The following SLC2A13 variants were observed in gnomAD, a reference collection of about 807,000 sequenced individuals.
SLC2A13 encodes solute carrier family 2 member 13, also known as proton myo-inositol cotransporter.
In SLC2A13, 32 loss-of-function variants were observed where a neutral mutation model predicts 64.4. The ratio of observed to expected loss-of-function variants is 0.50; its 90% CI spans 0.37 to 0.67. The LOEUF is 0.67. SLC2A13 is among the 30% of genes least tolerant of loss of function. SLC2A13 has a pLI of 0.00. For missense variants in SLC2A13, 743 were observed against 829.2 expected, an observed-to-expected ratio of 0.90 and a Z score of 1.28; for synonymous variants, 338 against 327.1, an observed-to-expected ratio of 1.03 and a Z score of -0.36.
At chr12:39,918,205 G>A (rs761622397) in intron 4 of SLC2A13, among the ~76,000 whole-genome samples, 1 of 152,066 alleles carries the variant, frequency 6.6e-6, no homozygotes, top group Non-Finnish European at 1.5e-5. Flanking sequence ...GTCTGTAATT[G>A]TTGGTATTCA....
intron 2 of SLC2A13, among the ~76,000 whole-genome samples, chr12:40,047,631 T>C (rs566178125): frequency 4.0e-4 from 61 of 152,368 alleles, no homozygotes; most frequent in African/African-American, 1.4e-3. Context: ...TATTTTTATC[T>C]TTAAACACTA....
At chr12:39,886,226 A>G (rs769641583) in intron 4 of SLC2A13, among the ~76,000 whole-genome samples, 8 of 152,202 alleles carry the variant, frequency 5.3e-5, no homozygotes, top group African/African-American at 7.2e-5. Flanking sequence ...GAGAGGTCTG[A>G]CACACAAATG....
chr12:39,967,815 G>A (rs374861291), intron 3 of SLC2A13, among the ~76,000 whole-genome samples: 1 of 152,288 alleles, frequency 6.6e-6, no homozygotes, highest in East Asian at 1.9e-4. Flanking sequence ...GTTGGATGGT[G>A]TAAAGGTAGC....
At chr12:40,104,963 T>C (rs1039323319) in intron 1 of SLC2A13, among the ~76,000 whole-genome samples, 1 of 152,114 alleles carries the variant, frequency 6.6e-6, no homozygotes, top group Non-Finnish European at 1.5e-5. Context: ...TTTCTGGAAG[T>C]GCTGAGAGGC....
At chr12:39,956,830 T>A (rs929067579) in intron 3 of SLC2A13, among the ~76,000 whole-genome samples, 1 of 152,182 alleles carries the variant, frequency 6.6e-6, no homozygotes, top group Non-Finnish European at 1.5e-5. Flanking sequence ...TTGTGACTAA[T>A]GGATTACAAG....
At chr12:39,816,428 T>G in intron 7 of SLC2A13, among the ~76,000 whole-genome samples, 1 of 84,704 alleles carries the variant, frequency 1.2e-5, no homozygotes, top group Non-Finnish European at 2.2e-5. Flanking sequence ...CGGGGCCTGT[T>G]GTGGGGTGGG....
intron 1 of SLC2A13, among the ~76,000 whole-genome samples, chr12:40,097,213 G>A (rs1227709958): frequency 2.0e-5 from 3 of 152,084 alleles, no homozygotes; most frequent in Admixed American, 6.5e-5. Context: ...AGGAAATGAA[G>A]ATAATATATT....
At chr12:40,008,029 G>C (rs1938875888) in intron 3 of SLC2A13, among the ~76,000 whole-genome samples, 1 of 152,042 alleles carries the variant, frequency 6.6e-6, no homozygotes, top group East Asian at 1.9e-4. Flanking sequence ...AGCATCAAAA[G>C]ATTCAACTAG....
intron 4 of SLC2A13, among the ~76,000 whole-genome samples, chr12:39,939,075 C>G (rs1050546885): frequency 1.3e-5 from 2 of 152,150 alleles, no homozygotes; most frequent in Non-Finnish European, 2.9e-5. Context: ...CTACACTGTT[C>G]CTTGGAGAGT....
At chr12:39,898,274 ACT>A (rs1262791505) in intron 4 of SLC2A13, among the ~76,000 whole-genome samples, 2 of 152,054 alleles carry the variant, frequency 1.3e-5, no homozygotes, top group African/African-American at 4.8e-5. Flanking sequence ...AAAAGAAGAA[ACT>A]CTTTCGAAAA....
intron 2 of SLC2A13, among the ~76,000 whole-genome samples, chr12:40,040,978 G>A (rs971662793): frequency 6.6e-6 from 1 of 151,758 alleles, no homozygotes; most frequent in Non-Finnish European, 1.5e-5. Flanking sequence ...ATTTGAGATG[G>A]AGTCTAGCTG....
chr12:39,790,565 CT>C (rs1465374336), intron 7 of SLC2A13, among the ~76,000 whole-genome samples: 1 of 147,858 alleles, frequency 6.8e-6, no homozygotes, highest in African/African-American at 2.5e-5. Context: ...TTTTTTATGG[CT>C]GCATAGTATT....
At chr12:40,015,513 A>G (rs2136199769) in intron 3 of SLC2A13, among the ~76,000 whole-genome samples, 1 of 152,280 alleles carries the variant, frequency 6.6e-6, no homozygotes, top group East Asian at 1.9e-4. Context: ...AGGCAAATGT[A>G]TGTCTGGGTT....
Position 39,812,347 on chromosome 12 carries a change from C to CTTTTCTTTTCTTTTA in SLC2A13, c.1445+17755_1445+17756insTAAAAGAAAAGAAAA, listed in dbSNP as rs771309354. Among the ~76,000 whole-genome samples the CTTTTCTTTTCTTTTA allele has an allele frequency of 2.0e-5, 2 of 101,220 alleles. 1 individual carries two copies. Among genetic ancestry groups the CTTTTCTTTTCTTTTA allele is most frequent in the African/African-American group, 8.0e-5 (2 of 24,924 alleles). 66.4% of individuals were successfully genotyped at this position (101,220 alleles called of 152,430 possible). ...TTGGGACTAATTTCTTTTTTCTTTT[C>CTTTTCTTTTCTTTTA]TTTTCTTTTCTTTTCTTTTCTTTTC... On this transcript the variant is annotated intron_variant, in intron 7 of 9. Transcript: ENST00000280871.
chr12:39,869,725 G>A (rs1290429807), intron 5 of SLC2A13, among the ~76,000 whole-genome samples: 3 of 152,184 alleles, frequency 2.0e-5, no homozygotes, highest in African/African-American at 4.8e-5. Context: ...TACACTGAGA[G>A]GGAAACATGA....
intron 4 of SLC2A13, among the ~76,000 whole-genome samples, chr12:39,935,617 TATA>T: frequency 1.3e-5 from 2 of 152,324 alleles, no homozygotes; most frequent in South Asian, 4.1e-4. Flanking sequence ...CATCTGCAGT[TATA>T]ATATAATAAA....
intron 6 of SLC2A13, among the ~76,000 whole-genome samples, chr12:39,855,596 G>C (rs1445421423): frequency 6.6e-6 from 1 of 152,082 alleles, no homozygotes; most frequent in African/African-American, 2.4e-5. Flanking sequence ...TTGTTTGTTT[G>C]TTTTTAAATC....
chr12:39,760,783 CA>C (rs1167870076), intron 9 of SLC2A13, among the ~76,000 whole-genome samples: 2 of 151,926 alleles, frequency 1.3e-5, no homozygotes, highest in African/African-American at 4.8e-5. Flanking sequence ...CAGCCAGAAA[CA>C]CATAAATATT....
intron 1 of SLC2A13, among the ~76,000 whole-genome samples, chr12:40,095,942 G>T (rs1314632744): frequency 6.6e-6 from 1 of 152,058 alleles, no homozygotes; most frequent in Non-Finnish European, 1.5e-5. Flanking sequence ...CTGTTTGTTT[G>T]TTTTTTTCTT....
Sources: allele counts gnomAD v4.1 joint callset (sites outside exome capture counted in the v4.1 genomes callset), GRCh38; gene constraint gnomAD v4.1.1; transcripts MANE v1.5; gene names NCBI Gene and HGNC (gene_info 2026-07-23, HGNC 2026-07-21).